DNAH9: variants seen among roughly 807,000 people sequenced by gnomAD.
DNAH9 encodes dynein axonemal heavy chain 9, also known as DNAH9 variant protein.
DNAH9 carries 345 observed loss-of-function variants against 471.6 expected under a neutral mutation model. The ratio of observed to expected loss-of-function variants is 0.73; its 90% confidence interval spans 0.67 to 0.80. The LOEUF is 0.80. Ranked by LOEUF, DNAH9 falls within the 30% of genes least tolerant of loss-of-function variation. DNAH9 has a pLI of 0.00. For missense variants in DNAH9, 5,407 were observed against 5,609.2 expected, an observed-to-expected ratio of 0.96 and a Z score of 1.15; for synonymous variants, 2,093 against 2,123.6, an observed-to-expected ratio of 0.99 and a Z score of 0.40.
At chr17:11,813,357 A>G (rs1348776515) in intron 45 of DNAH9, among the ~76,000 whole-genome samples, 1 of 152,144 alleles carries the variant, frequency 6.6e-6, no homozygotes, top group Non-Finnish European at 1.5e-5. Flanking sequence ...GGAGAATTAG[A>G]GTATATCTTG....
chr17:11,837,626 G>A (rs1051683485), intron 49 of DNAH9, among the ~76,000 whole-genome samples: 1 of 152,144 alleles, frequency 6.6e-6, no homozygotes, highest in African/African-American at 2.4e-5. Flanking sequence ...GTCTTTGTCC[G>A]TTACAGCAAT....
intron 35 of DNAH9, among the ~76,000 whole-genome samples, chr17:11,759,553 C>T (rs1458499572): frequency 2.5e-4 from 26 of 105,076 alleles, no homozygotes; most frequent in Admixed American, 1.1e-3. Context: ...GTCGTTGTCT[C>T]GCTCTGTCAC....
chr17:11,914,242 TTTTA>T (rs1357561648), intron 61 of DNAH9, among the ~76,000 whole-genome samples: 1 of 152,196 alleles, frequency 6.6e-6, no homozygotes, highest in East Asian at 1.9e-4. Context: ...GCAAGTTGCC[TTTTA>T]TTTATCTCAG....
Position 11,781,094 on chromosome 17 carries a change from C to A in DNAH9, c.7638C>A (p.Asp2546Glu). The A allele has an allele frequency of 2.5e-6, 4 of 1,614,190 alleles. No individual in the cohort carries two copies. The highest frequency in any genetic ancestry group is 3.4e-6 in the Non-Finnish European group (4 of 1,180,030). Reference sequence around the variant, plus strand: ...AGAAACTCATCTATTTCATTGATGACATGAACATGCCTGAGGTGGATGCCT... The same window carrying A: ...AGAAACTCATCTATTTCATTGATGAAATGAACATGCCTGAGGTGGATGCCT... ...GNKKLIYFIDDMNMPEVDAYG... is the reference protein window; with the variant it reads ...GNKKLIYFIDEMNMPEVDAYG... The change falls in exon 39 of 69, where the codon GAC (aspartate) becomes GAA (glutamate). Residue 2546 changes from aspartate (D) to glutamate (E), a missense_variant. Coordinates refer to ENST00000262442, the MANE Select transcript of DNAH9 (RefSeq NM_001372.4).
At chr17:11,671,270 A>G (rs1326276422) in intron 17 of DNAH9, among the ~76,000 whole-genome samples, 3 of 152,238 alleles carry the variant, frequency 2.0e-5, no homozygotes, top group Admixed American at 6.5e-5. Context: ...GATGACTCCC[A>G]TAAAAAGATA....
chr17:11,729,146 G>T (rs773647466), intron 28 of DNAH9, among the ~76,000 whole-genome samples: 18 of 152,310 alleles, frequency 1.2e-4, no homozygotes, highest in Non-Finnish European at 2.2e-4. Context: ...TGAGCAGTAG[G>T]AAAACTGGTG....
At chr17:11,956,114 G>A (rs186161048) in intron 67 of DNAH9, among the ~76,000 whole-genome samples, 2 of 151,960 alleles carry the variant, frequency 1.3e-5, no homozygotes, top group South Asian at 2.1e-4. Flanking sequence ...AAAAAACTAC[G>A]TATCCAGCTA....
At chr17:11,852,658 A>T (rs905971045) in intron 49 of DNAH9, among the ~76,000 whole-genome samples, 1 of 151,664 alleles carries the variant, frequency 6.6e-6, no homozygotes, top group Non-Finnish European at 1.5e-5. Flanking sequence ...ACAGATCCTG[A>T]GCAGGGAGAA....
chr17:11,931,949 C>G, intron 63 of DNAH9, 65 bp from the exon 64 acceptor site: 2 of 1,562,206 alleles, frequency 1.3e-6, no homozygotes, highest in Non-Finnish European at 1.7e-6. Context: ...ATTGTAACCT[C>G]ACCCTAGCCA....
At chr17:11,729,175 G>C (rs2075213209) in intron 28 of DNAH9, among the ~76,000 whole-genome samples, 1 of 152,128 alleles carries the variant, frequency 6.6e-6, no homozygotes, top group South Asian at 2.1e-4. Context: ...CAAGTCAAGA[G>C]TCTCTCCCAA....
Position 11,689,706 on chromosome 17 carries a change from G to T in DNAH9, c.3884G>T (p.Cys1295Phe). Reference protein sequence around the residue: ...NVPDYKQLRQCRKEVCQLKEL... With the variant: ...NVPDYKQLRQFRKEVCQLKEL... ...CCTGACTATAAGCAGCTGAGGCAGT[G>T]CAGGAAGGAGGTCTGCCAGCTGAAG... is the stretch of plus-strand genomic sequence containing the variant. The change falls in exon 20 of 69, where the codon TGC (cysteine) becomes TTC (phenylalanine). Residue 1295 changes from cysteine (C) to phenylalanine (F), a missense_variant. By Grantham distance (205) the Cys-to-Phe change is radical. Around this residue, in one of 3 missense-constraint regions of DNAH9, gnomAD observed 4,636 missense variants for 4,900.3 expected, o/e 0.95. Coordinates refer to ENST00000262442, the MANE Select transcript of DNAH9 (RefSeq NM_001372.4). 1 of 1,614,236 alleles carries T rather than the reference G, an allele frequency of 6.2e-7. No individual in the cohort carries two copies. The highest frequency in any genetic ancestry group is 8.5e-7 in the Non-Finnish European group (1 of 1,180,042).
At chr17:11,701,344 G>A in intron 24 of DNAH9, 97 bp downstream of exon 24, 1 of 1,381,872 alleles carries the variant, frequency 7.2e-7, no homozygotes, top group Non-Finnish European at 1.0e-6. Context: ...CAGGCTGGCT[G>A]CATGCTTCAC....
chr17:11,687,030 C>T (rs994679566), intron 19 of DNAH9, among the ~76,000 whole-genome samples: 4 of 152,154 alleles, frequency 2.6e-5, no homozygotes, highest in African/African-American at 9.7e-5. Flanking sequence ...CCTTGGTGAT[C>T]TTTTTTGCTG....
At chr17:11,787,951 C>T (rs1030124224) in intron 41 of DNAH9, among the ~76,000 whole-genome samples, 2 of 152,170 alleles carry the variant, frequency 1.3e-5, no homozygotes, top group African/African-American at 4.8e-5. Context: ...CCCTTTTCCT[C>T]CCAGTCTCAG....
In DNAH9 at chr17:11,875,075, A is replaced by G. The variant is rs762051130; in HGVS notation, c.10369A>G (p.Ile3457Val). The G allele has an allele frequency of 8.1e-6, 13 of 1,614,066 alleles. No homozygotes were observed. Among genetic ancestry groups the G allele is most frequent in the Non-Finnish European group, 1.1e-5 (13 of 1,180,036 alleles). Residue 3457 changes from isoleucine to valine, a missense_variant, in exon 53 of 69, where the codon ATC becomes GTC. By Grantham distance (29) the Ile-to-Val change is conservative. This residue lies in a region of DNAH9 where 4,636 missense variants were observed against 4,900.3 expected (regional missense o/e 0.95). Transcript: ENST00000262442. Reference sequence around the variant, plus strand: ...GTCCGTGGAGAATGCCACCATTCTCATCAACTGTGAGCGCTGGCCACTCAT... The same window carrying G: ...GTCCGTGGAGAATGCCACCATTCTCGTCAACTGTGAGCGCTGGCCACTCAT... ...RMSVENATIL[I>V]NCERWPLMVD...
intron 52 of DNAH9, among the ~76,000 whole-genome samples, chr17:11,872,877 A>G (rs1268362210): frequency 2.0e-5 from 3 of 152,218 alleles, no homozygotes; most frequent in African/African-American, 7.2e-5. Context: ...CCAAGATAGC[A>G]CCACTGCACT....
intron 67 of DNAH9, among the ~76,000 whole-genome samples, chr17:11,945,593 G>A (rs1162078374): frequency 6.6e-6 from 1 of 151,902 alleles, no homozygotes; most frequent in Admixed American, 6.6e-5. Context: ...TAAACGATGG[G>A]AATACACAGA....
intron 60 of DNAH9, 42 bp downstream of exon 60, chr17:11,902,954 C>G (rs1375159710): frequency 1.3e-6 from 2 of 1,581,826 alleles, no homozygotes; most frequent in Non-Finnish European, 1.7e-6. Flanking sequence ...AGGCATGGGG[C>G]AAGGGCAACC....
chr17:11,653,416 T>C (rs1368389788), intron 14 of DNAH9, among the ~76,000 whole-genome samples: 1 of 152,128 alleles, frequency 6.6e-6, no homozygotes, highest in Non-Finnish European at 1.5e-5. Context: ...AATGAAAGAC[T>C]ACCGTGGTAT....
Sources: allele counts gnomAD v4.1 joint callset (sites outside exome capture counted in the v4.1 genomes callset), GRCh38; gene constraint gnomAD v4.1.1; regional missense constraint gnomAD v4.1.1; transcripts MANE v1.5; gene names NCBI Gene and HGNC (gene_info 2026-07-23, HGNC 2026-07-21).